AUNIP: variants seen among roughly 807,000 people sequenced by gnomAD.
AUNIP encodes aurora kinase A and ninein interacting protein.
AUNIP carries 16 observed loss-of-function variants against 12.2 expected under a neutral mutation model. The ratio of observed to expected loss-of-function variants is 1.31; its 90% CI spans 0.88 to 1.99. The LOEUF (loss-of-function observed/expected upper bound fraction) is 1.99. Ranked by LOEUF, AUNIP falls within the 30% of genes most tolerant of loss-of-function variation. The pLI is 0.00. For synonymous variants in AUNIP, 142 were observed against 154.8 expected (o/e 0.92, Z 0.61); for missense variants, 411 against 419.1 (o/e 0.98, Z 0.17).
chr1:25,845,362 C>T (rs895571878), intron 1 of AUNIP, among the ~76,000 whole-genome samples: 2 of 152,188 alleles, frequency 1.3e-5, no homozygotes, highest in African/African-American at 4.8e-5. Context: ...TTCCAGTTTA[C>T]CTTTTTCTCT....
At chr1:25,850,053 G>C (rs2048415506) in intron 1 of AUNIP, among the ~76,000 whole-genome samples, 1 of 151,874 alleles carries the variant, frequency 6.6e-6, no homozygotes, top group South Asian at 2.1e-4. Flanking sequence ...GCAAGTTTTT[G>C]TGCAGACATA....
At chr1:25,845,296 C>T (rs1014449860) in intron 1 of AUNIP, among the ~76,000 whole-genome samples, 9 of 152,202 alleles carry the variant, frequency 5.9e-5, no homozygotes, top group African/African-American at 1.9e-4. Context: ...AATCTGTCAA[C>T]AGTTTCTCTA....
intron 1 of AUNIP, 101 bp from the exon 2 acceptor site, chr1:25,837,655 T>A: frequency 1.7e-6 from 2 of 1,177,546 alleles, no homozygotes; most frequent in Non-Finnish European, 2.4e-6. Context: ...CCACACTAGA[T>A]CCTCTGTACT....
chr1:25,831,984 G>T, downstream of AUNIP: 1 of 1,614,220 alleles, frequency 6.2e-7, no homozygotes, highest in Non-Finnish European at 8.5e-7. Context: ...TAAGGAGGAA[G>T]TTTGCTCTAA....
chr1:25,845,289 C>T (rs1479746696), intron 1 of AUNIP, among the ~76,000 whole-genome samples: 1 of 152,210 alleles, frequency 6.6e-6, no homozygotes, highest in Non-Finnish European at 1.5e-5. Context: ...TGCTCAAAAT[C>T]TGTCAACAGT....
At chr1:25,854,617 G>A (rs191938) in intron 1 of AUNIP, among the ~76,000 whole-genome samples, 52,203 of 152,128 alleles carry the variant, frequency 0.34, 13,054 homozygotes, top group African/African-American at 0.71. Flanking sequence ...AAAAGGGGGA[G>A]ATAAGAGGTA....
downstream of AUNIP, chr1:25,832,828 C>T (rs920904856): frequency 6.5e-6 from 1 of 154,898 alleles, no homozygotes; most frequent in Admixed American, 6.3e-5. Flanking sequence ...TTGTATGTAC[C>T]ACACCATGCA....
At chr1:25,833,747 G>A (rs1475140138), downstream of AUNIP, among the ~76,000 whole-genome samples, 3 of 151,224 alleles carry the variant, frequency 2.0e-5, no homozygotes, top group East Asian at 3.9e-4. Context: ...GAGCGAGACC[G>A]TGTCTCAAAA....
At chr1:25,843,491 G>A (rs145193056) in intron 1 of AUNIP, among the ~76,000 whole-genome samples, 166 of 149,232 alleles carry the variant, frequency 1.1e-3, no homozygotes, top group African/African-American at 3.8e-3. Context: ...CCATGGTGGT[G>A]CTGCCTTATA....
At chr1:25,844,259 A>G (rs762075229) in intron 1 of AUNIP, among the ~76,000 whole-genome samples, 1 of 152,182 alleles carries the variant, frequency 6.6e-6, no homozygotes, top group Non-Finnish European at 1.5e-5. Context: ...GGTGTGCACC[A>G]CCATGCCCGG....
intron 1 of AUNIP, among the ~76,000 whole-genome samples, chr1:25,857,057 G>A (rs1187760498): frequency 6.6e-6 from 1 of 152,090 alleles, no homozygotes; most frequent in East Asian, 1.9e-4. Context: ...CGTTGAGGCT[G>A]TAGGTAGTCG....
At position 25,835,672 on chromosome 1, in the gene AUNIP, A is replaced by C; in HGVS notation, c.395T>G (p.Leu132Arg). 6.2e-7 allele frequency: 1 copy of C among 1,614,216 alleles called. No homozygotes were observed. The highest frequency in any genetic ancestry group is 1.1e-5 in the South Asian group (1 of 91,082). The part of the protein sequence containing the change: ...STTADIQEAG[L>R]SPQSLQTSGH... ...AGAAGTCTGGAGGGACTGAGGAGAG[A>C]GTCCAGCTTCCTGGATGTCTGCAGT... is the stretch of plus-strand genomic sequence containing the variant. The change falls in exon 3 of 3, where the codon CTC (leucine) becomes CGC (arginine). Residue 132 changes from leucine to arginine, a missense_variant. By Grantham distance (102) the Leu-to-Arg change is moderately radical. Coordinates refer to ENST00000374298, the MANE Select transcript of AUNIP (RefSeq NM_024037.3).
intron 1 of AUNIP, among the ~76,000 whole-genome samples, chr1:25,858,216 C>A (rs1051973194): frequency 6.6e-6 from 1 of 152,270 alleles, no homozygotes; most frequent in East Asian, 1.9e-4. Flanking sequence ...AATTTCTTAT[C>A]TATAAAACCA....
Position 25,837,468 on chromosome 1 carries a change from A to T in AUNIP, c.165T>A (p.Ala55=). 6.2e-7 allele frequency: 1 copy of T among 1,614,094 alleles called. No individual in the cohort carries two copies. The highest frequency in any genetic ancestry group is 8.5e-7 in the Non-Finnish European group (1 of 1,179,960). Residue 55 remains alanine, a synonymous_variant, in exon 2 of 3, where the codon GCT becomes GCA. Transcript: ENST00000374298. ...TTCTCTGGTGAATGCCTGTAGATGG[A>T]GCTCTTCTTTGAGTAAAATAAATAT... ...KANIYFTQRR[A]PSTGIHQRSI...
rs182099645 is a variant in AUNIP, at chr1:25,834,975, A to G, written c.*18T>C. 6.3e-6 allele frequency: 10 copies of G among 1,590,316 alleles called. No homozygotes were observed. In the South Asian group the frequency reaches 9.0e-5, roughly 14 times the overall value. On this transcript the variant is annotated 3_prime_UTR_variant, in exon 3 of 3. Coordinates refer to ENST00000374298, the MANE Select transcript of AUNIP (RefSeq NM_024037.3). ...CTCTATCATTTCAAGGTACTTTTAG[A>G]AACAAAGCTTCAAACATTTAGAATT... is the stretch of plus-strand genomic sequence containing the variant.
rs1359775830 is a variant in AUNIP at position 25,835,721 on chromosome 1, C to G, written c.346G>C (p.Ala116Pro). The G allele has an allele frequency of 1.9e-6, 3 of 1,614,198 alleles. No individual in the cohort carries two copies. Among genetic ancestry groups the G allele is most frequent in the Non-Finnish European group, 2.5e-6 (3 of 1,180,044 alleles). The change falls in exon 3 of 3, where the codon GCA (alanine) becomes CCA (proline). Residue 116 changes from alanine (A) to proline (P), a missense_variant. Transcript: ENST00000374298. ...LIPGLAHDCMASPLATSTTAD... is the reference protein window; with the variant it reads ...LIPGLAHDCMPSPLATSTTAD... ...GTGGTTGAAGTGGCTAAAGGGGATG[C>G]CATGCAATCGTGTGCTAAGCCTGGG...
chr1:25,859,366 A>C lies in AUNIP; in HGVS notation c.-9T>G, dbSNP rs1047186098. 3 of 1,517,848 alleles carry C rather than the reference A, an allele frequency of 2.0e-6. No individual in the cohort carries two copies. The African/African-American group carries it at 4.3e-5, about 22-fold the overall frequency. The allele number at this position is 1,517,848 out of a possible 1,614,324, so 94.0% of individuals were successfully genotyped here. The stretch of plus-strand genomic sequence containing the variant: ...GGGCCTGTCCGCCTCATGGCCGCTG[A>C]GGAGACGAAGCCGGCAGGACGCCGG... On this transcript the variant is annotated 5_prime_UTR_variant, in exon 1 of 3. Transcript: ENST00000374298.
chr1:25,857,788 G>A (rs1164780379), intron 1 of AUNIP, among the ~76,000 whole-genome samples: 1 of 141,270 alleles, frequency 7.1e-6, no homozygotes, highest in Non-Finnish European at 1.6e-5. Flanking sequence ...GCTTGAACCC[G>A]GGAGGCAGAG....
downstream of AUNIP, chr1:25,832,409 A>ACT (rs5773135): frequency 0.81 from 422,222 of 519,714 alleles, 172,677 homozygotes; most frequent in East Asian, 0.97. Flanking sequence ...GCTGTCACTC[A>ACT]CTCAGCAGCT....
Sources: gnomAD v4.1 joint callset for allele counts (sites outside exome capture counted in the v4.1 genomes callset) on GRCh38, gnomAD v4.1.1 for gene constraint, MANE v1.5 for transcripts, NCBI Gene and HGNC (gene_info 2026-07-23, HGNC 2026-07-21) for gene names.